The following E2F5 variants were observed in gnomAD, a reference collection of about 807,000 sequenced individuals.
The protein encoded by E2F5 is E2F transcription factor 5.
A neutral mutation model predicts 39.1 loss-of-function variants in E2F5; 23 were observed. That is an observed-to-expected ratio of 0.59 (90% CI 0.42 to 0.83). E2F5 has a LOEUF of 0.83. Ranked by LOEUF, E2F5 falls within the 40% of genes least tolerant of loss-of-function variation. The pLI, the probability that E2F5 is intolerant of heterozygous loss-of-function variation, is 0.00. For synonymous variants in E2F5, 145 were observed against 157.8 expected (o/e 0.92, Z 0.61); for missense variants, 365 against 406.7 (o/e 0.90, Z 0.88).
intron 1 of E2F5, among the ~76,000 whole-genome samples, chr8:85,180,108 C>T (rs1053374104): frequency 2.6e-4 from 39 of 151,804 alleles, no homozygotes; most frequent in African/African-American, 9.2e-4. Context: ...GCAACCTCCA[C>T]CTCCCGGGTT....
chr8:85,181,613 A>G (rs1262183361), intron 1 of E2F5, among the ~76,000 whole-genome samples: 1 of 136,632 alleles, frequency 7.3e-6, no homozygotes, highest in South Asian at 2.7e-4. Flanking sequence ...TGCTGGGATT[A>G]CAGGCGTGAG....
rs897319422 is a variant in E2F5 at position 85,209,173 on chromosome 8, A to G, written c.647A>G (p.Asn216Ser). Residue 216 changes from asparagine to serine, a missense_variant, in exon 6 of 8, where the codon AAT becomes AGT. Coordinates refer to ENST00000416274, the MANE Select transcript of E2F5 (RefSeq NM_001951.4). ...AATGGACAAAAGAAATACCAGATCA[A>G]TCTAAAGAGTCATTCAGGACCTATC... is the stretch of plus-strand genomic sequence containing the variant. ...GQNGQKKYQI[N>S]LKSHSGPIHV... The G allele has an allele frequency of 3.1e-6, 5 of 1,613,894 alleles. No homozygotes were observed. The highest frequency in any genetic ancestry group is 2.2e-5 in the South Asian group (2 of 91,084).
Position 85,206,227 on chromosome 8 carries a change from A to C in E2F5, c.550+7A>C. ...ATCTGTAATTGCTTTAATGGTAAGT[A>C]CCATTAGACTTTTCCTTGCATTCTT... is the stretch of plus-strand genomic sequence containing the variant. On this transcript the variant is annotated splice_region_variant and intron_variant, in intron 4 of 7. Transcript: ENST00000416274. 6.2e-7 allele frequency: 1 copy of C among 1,612,126 alleles called. No individual in the cohort carries two copies. The highest frequency in any genetic ancestry group is 8.5e-7 in the Non-Finnish European group (1 of 1,178,956).
At position 85,177,397 on chromosome 8, in the gene E2F5, C is replaced by G. The variant is rs533461250; in HGVS notation, c.-24C>G. On this transcript the variant is annotated 5_prime_UTR_variant, in exon 1 of 8. Coordinates refer to ENST00000416274, the MANE Select transcript of E2F5 (RefSeq NM_001951.4). ...CGGCGAGCGAAAGTGCGCGGGGGCC[C>G]GACCACCGCGGGGCCGGGACGCGAT... is the stretch of plus-strand genomic sequence containing the variant. The G allele has an allele frequency of 2.7e-5, 27 of 987,196 alleles. No individual in the cohort carries two copies. The highest frequency in any genetic ancestry group is 5.2e-4 in the Middle Eastern group (1 of 1,924). The allele number at this position is 987,196 out of a possible 1,614,324, so 61.2% of individuals were successfully genotyped here. A position where few individuals can be genotyped will look rare whatever the true frequency, so the allele number is the denominator to read the frequency against.
rs1367174722 is a variant in E2F5 at position 85,212,289 on chromosome 8, A to G, written c.931+85A>G. 3.2e-5 allele frequency: 34 copies of G among 1,052,582 alleles called. No homozygotes were observed. In the Admixed American group the frequency reaches 6.9e-4, roughly 21 times the overall value. 65.2% of individuals were successfully genotyped at this position (1,052,582 alleles called of 1,614,324 possible). A position where few individuals can be genotyped will look rare whatever the true frequency, so the allele number is the denominator to read the frequency against. On this transcript the variant is annotated intron_variant, in intron 7 of 7. Coordinates refer to ENST00000416274, the MANE Select transcript of E2F5 (RefSeq NM_001951.4). ...GTGAAACATGATTTAAAAGAAATGAACATATATTTGCTACCTGCTTTACTA... is the reference window on the plus strand; with the variant it reads ...GTGAAACATGATTTAAAAGAAATGAGCATATATTTGCTACCTGCTTTACTA...
At position 85,213,866 on chromosome 8, in the gene E2F5, C is replaced by T. The variant is rs761260485; in HGVS notation, c.*4C>T. 1 of 1,553,814 alleles carries T rather than the reference C, an allele frequency of 6.4e-7. No individual in the cohort carries two copies. Among genetic ancestry groups the T allele is most frequent in the Non-Finnish European group, 8.9e-7 (1 of 1,126,460 alleles). On this transcript the variant is annotated 3_prime_UTR_variant, in exon 8 of 8. Coordinates refer to ENST00000416274, the MANE Select transcript of E2F5 (RefSeq NM_001951.4). ...TGTCCAGATACTAAATTATTAGATTCCATGGAAACTTGGGACTGTTATCTA... is the reference window on the plus strand; with the variant it reads ...TGTCCAGATACTAAATTATTAGATTTCATGGAAACTTGGGACTGTTATCTA...
rs1268772801 is a variant in E2F5, at chr8:85,214,139, C to G, written c.*277C>G. The G allele has an allele frequency of 1.8e-6, 1 of 548,034 alleles. No individual in the cohort carries two copies. Among genetic ancestry groups the G allele is most frequent in the African/African-American group, 1.9e-5 (1 of 53,678 alleles). 33.9% of individuals were successfully genotyped at this position (548,034 alleles called of 1,614,324 possible). On this transcript the variant is annotated 3_prime_UTR_variant, in exon 8 of 8. Transcript: ENST00000416274. ...TCAACTTTTCTTCTAATTGTGAATC[C>G]TTCTGTTTTTTCTTCTTAAGGAGGA...
intron 1 of E2F5, among the ~76,000 whole-genome samples, chr8:85,185,727 A>G (rs1260983750): frequency 6.6e-6 from 1 of 152,240 alleles, no homozygotes; most frequent in African/African-American, 2.4e-5. Context: ...TCAAAAGAAG[A>G]CTTTTATGCA....
intron 2 of E2F5, 70 bp downstream of exon 2, chr8:85,202,326 C>G: frequency 8.7e-7 from 1 of 1,151,336 alleles, no homozygotes; most frequent in South Asian, 1.5e-5. Flanking sequence ...TTTGACCTTC[C>G]CAATGTTTCT....
intron 1 of E2F5, chr8:85,200,346 TTAAA>T (rs1563980929): frequency 1.1e-6 from 1 of 870,574 alleles, no homozygotes; most frequent in African/African-American, 2.0e-5. Flanking sequence ...GTTTACATAC[TTAAA>T]TAGTAAAGTA....
At chr8:85,200,303 T>A in intron 1 of E2F5, 1 of 955,672 alleles carries the variant, frequency 1.0e-6, no homozygotes, top group Non-Finnish European at 1.2e-6. Flanking sequence ...GAGATTCTTT[T>A]ACATATGATC....
intron 1 of E2F5, among the ~76,000 whole-genome samples, chr8:85,185,295 A>C (rs1164550867): frequency 6.6e-6 from 1 of 152,196 alleles, no homozygotes; most frequent in African/African-American, 2.4e-5. Flanking sequence ...TGATGTTGGA[A>C]AACTGGCTAG....
At chr8:85,183,296 C>T (rs188754590) in intron 1 of E2F5, among the ~76,000 whole-genome samples, 6 of 152,132 alleles carry the variant, frequency 3.9e-5, no homozygotes, top group Non-Finnish European at 8.8e-5. Context: ...TTTGTAATAC[C>T]AGGCAAACAT....
intron 1 of E2F5, among the ~76,000 whole-genome samples, chr8:85,192,639 T>C (rs1375199094): frequency 6.6e-6 from 1 of 152,226 alleles, no homozygotes; most frequent in African/African-American, 2.4e-5. Flanking sequence ...CAGAGGTAAT[T>C]AATGTTCCAG....
intron 1 of E2F5, 85 bp downstream of exon 1, chr8:85,177,739 G>T (rs916395332): frequency 8.6e-7 from 1 of 1,156,572 alleles, no homozygotes; most frequent in Non-Finnish European, 1.1e-6. Context: ...TGGGTCTAGC[G>T]GCGTGGTGTA....
intron 1 of E2F5, among the ~76,000 whole-genome samples, chr8:85,196,690 A>G (rs916968875): frequency 2.0e-5 from 3 of 152,362 alleles, no homozygotes; most frequent in East Asian, 1.9e-4. Context: ...TTGATCATTC[A>G]TTAGCTTTGT....
intron 5 of E2F5, 95 bp from the exon 6 acceptor site, chr8:85,209,046 TA>T (rs2129751265): frequency 2.5e-6 from 3 of 1,222,728 alleles, no homozygotes; most frequent in South Asian, 3.0e-5. Context: ...GTGAATTTAG[TA>T]AGTCCCTAAT....
At position 85,213,903 on chromosome 8, in the gene E2F5, G is replaced by T. The variant is rs374076949; in HGVS notation, c.*41G>T. 1.5e-5 allele frequency: 18 copies of T among 1,198,570 alleles called. No individual in the cohort carries two copies. In the Middle Eastern group the frequency reaches 7.1e-4, roughly 47 times the overall value. The allele number at this position is 1,198,570 out of a possible 1,614,324, so 74.2% of individuals were successfully genotyped here. A position where few individuals can be genotyped will look rare whatever the true frequency, so the allele number is the denominator to read the frequency against. ...GGGACTGTTATCTACCTCTAACTGT[G>T]TAACATTTTAGACTTCTTAATAACC... On this transcript the variant is annotated 3_prime_UTR_variant, in exon 8 of 8. Coordinates refer to ENST00000416274, the MANE Select transcript of E2F5 (RefSeq NM_001951.4).
intron 1 of E2F5, among the ~76,000 whole-genome samples, chr8:85,184,693 A>G (rs1563976038): frequency 1.3e-5 from 2 of 152,216 alleles, no homozygotes; most frequent in South Asian, 2.1e-4. Flanking sequence ...TCAATGTGCA[A>G]AAATCACAAG....
Sources: allele counts gnomAD v4.1 joint callset (sites outside exome capture counted in the v4.1 genomes callset), GRCh38; gene constraint gnomAD v4.1.1; transcripts MANE v1.5; gene names NCBI Gene and HGNC (gene_info 2026-07-23, HGNC 2026-07-21).